Variants in BCR observed in about 807,000 individuals in gnomAD.
The protein encoded by BCR is breakpoint cluster region protein.
In BCR, 58 loss-of-function variants were observed where a neutral mutation model predicts 138.6. The ratio of observed to expected loss-of-function variants is 0.42; its 90% CI spans 0.34 to 0.52. The LOEUF is 0.52. Ranked by LOEUF, BCR falls within the 20% of genes least tolerant of loss-of-function variation. The pLI is 0.06. For missense variants in BCR, 1,599 were observed against 1,727.2 expected (o/e 0.93, Z 1.32); for synonymous variants, 786 against 730.1 (o/e 1.08, Z -1.23).
chr22:23,264,603 G>C, intron 4 of BCR: 1 of 349,368 alleles, frequency 2.9e-6, no homozygotes, highest in South Asian at 3.5e-5. Context: ...GAGTGCAGCT[G>C]AACCTCGGCC....
At chr22:23,236,997 G>A (rs1402219538) in intron 1 of BCR, among the ~76,000 whole-genome samples, 1 of 152,214 alleles carries the variant, frequency 6.6e-6, no homozygotes, top group Non-Finnish European at 1.5e-5. Flanking sequence ...GGATTTTCCA[G>A]AAGAAGTGCC....
At position 23,181,118 on chromosome 22, in the gene BCR, G is replaced by A; in HGVS notation, c.158G>A (p.Arg53His). Residue 53 changes from arginine to histidine, a missense_variant, in exon 1 of 23, where the codon CGC (arginine) becomes CAC (histidine). Arg to His is a conservative substitution (Grantham distance 29). Around this residue, in one of 4 missense-constraint regions of BCR, gnomAD observed 806 missense variants for 635.0 expected, o/e 1.27. Transcript: ENST00000305877. ...CTGGAGCAGGAGGTGAACCAGGAGC[G>A]CTTCCGCATGATCTACCTGCAGACG... The part of the protein sequence containing the change: ...RRLEQEVNQE[R>H]FRMIYLQTLL... 2 of 1,498,854 alleles carry A rather than the reference G, an allele frequency of 1.3e-6. No homozygotes were observed. Among genetic ancestry groups the A allele is most frequent in the Non-Finnish European group, 1.8e-6 (2 of 1,116,014 alleles). The allele number at this position is 1,498,854 out of a possible 1,614,324, so 92.8% of individuals were successfully genotyped here.
rs1257444617 is a variant in BCR, at chr22:23,232,096, C to T, written c.1280-21703C>T. ...CCTCTAATTTTCTGTTGCTTTCTTG[C>T]TTCCATGGTTGTTGGAAGCCTGGAG... On this transcript the variant is annotated intron_variant, in intron 1 of 22. Transcript: ENST00000305877. 9.2e-5 allele frequency among the ~76,000 whole-genome samples: 14 copies of T among 152,366 alleles called. No homozygotes were observed. In the South Asian group the frequency reaches 2.3e-3, roughly 25 times the overall value.
chr22:23,281,280 T>G (rs116299458), intron 8 of BCR, among the ~76,000 whole-genome samples: 5,174 of 152,318 alleles, frequency 0.034, 131 homozygotes, highest in African/African-American at 0.057. Context: ...TTTGCCCTAG[T>G]TGAGATGCTG....
chr22:23,251,568 C>T (rs1455444829), intron 1 of BCR, among the ~76,000 whole-genome samples: 4 of 152,240 alleles, frequency 2.6e-5, no homozygotes, highest in Admixed American at 2.6e-4. Flanking sequence ...TCTCCCCGGC[C>T]TTCCACGTGG....
intron 21 of BCR, among the ~76,000 whole-genome samples, chr22:23,314,346 C>T (rs1271006249): frequency 1.3e-5 from 2 of 152,198 alleles, no homozygotes; most frequent in Non-Finnish European, 2.9e-5. Context: ...CTCCGAGTCA[C>T]ATCAAGTAGG....
At chr22:23,255,349 G>A (rs535523291) in intron 2 of BCR, among the ~76,000 whole-genome samples, 63 of 152,272 alleles carry the variant, frequency 4.1e-4, no homozygotes, top group African/African-American at 1.2e-3. Flanking sequence ...GCTTTTTACA[G>A]ACTAGGAGGC....
chr22:23,273,027 A>G (rs1405960068), intron 6 of BCR, 54 bp from the exon 7 acceptor site: 6 of 1,591,894 alleles, frequency 3.8e-6, no homozygotes, highest in Non-Finnish European at 5.2e-6. Context: ...GTGGTCAGGC[A>G]GCTGGTGTGC....
At chr22:23,255,082 C>T (rs1368223496) in intron 2 of BCR, among the ~76,000 whole-genome samples, 3 of 152,144 alleles carry the variant, frequency 2.0e-5, no homozygotes, top group African/African-American at 7.2e-5. Flanking sequence ...ATGGACTTTT[C>T]CCCATTTCTG....
intron 2 of BCR, among the ~76,000 whole-genome samples, chr22:23,257,238 G>T (rs922705796): frequency 1.3e-5 from 2 of 152,292 alleles, no homozygotes; most frequent in South Asian, 4.1e-4. Context: ...CCTGAGTCTT[G>T]TCTCCACCCC....
rs1289821791 is a variant in BCR at position 23,213,849 on chromosome 22, AAG to A, written c.1279+31612_1279+31613del. On this transcript the variant is annotated intron_variant, in intron 1 of 22. Transcript: ENST00000305877. ...CCCCTGTCTCTTAAAAAAAAAAAAA[AAG>A]AAGAAGAAGGAGGAGGAAGACAGTA... Among the ~76,000 whole-genome samples the A allele has an allele frequency of 3.0e-3, 415 of 136,540 alleles. 2 individuals carry two copies. The highest frequency in any genetic ancestry group is 0.012 in the African/African-American group (339 of 27,248). The allele number at this position is 136,540 out of a possible 152,430, so 89.6% of individuals were successfully genotyped here. A position where few individuals can be genotyped will look rare whatever the true frequency, so the allele number is the denominator to read the frequency against.
In BCR at chr22:23,285,210, C is replaced by G; in HGVS notation, c.2406+9C>G. ...ACATCCAGAGAGAGAAGGTGCACAC[C>G]AGGGGAGCAAGGGCCGGGTTTGGTG... On this transcript the variant is annotated intron_variant, in intron 10 of 22. Transcript: ENST00000305877. The G allele has an allele frequency of 6.2e-7, 1 of 1,608,186 alleles. No homozygotes were observed. Among genetic ancestry groups the G allele is most frequent in the Non-Finnish European group, 8.5e-7 (1 of 1,177,248 alleles).
chr22:23,261,671 A>G (rs1187572450), intron 4 of BCR, 131 bp downstream of exon 4: 1 of 941,350 alleles, frequency 1.1e-6, no homozygotes, highest in Non-Finnish European at 1.5e-6. Flanking sequence ...ACCTCAAGTG[A>G]TCCACCTGCC....
At chr22:23,213,523 A>C (rs982519713) in intron 1 of BCR, among the ~76,000 whole-genome samples, 1 of 152,220 alleles carries the variant, frequency 6.6e-6, no homozygotes, top group African/African-American at 2.4e-5. Flanking sequence ...TGGATGTGCC[A>C]CTAAGAAGGA....
intron 16 of BCR, among the ~76,000 whole-genome samples, chr22:23,297,213 TG>T (rs368410886): frequency 0.1 from 11,544 of 114,598 alleles, 1,094 homozygotes; most frequent in Non-Finnish European, 0.13. Context: ...AGTTGTTTTT[TG>T]TTTTTTGTTT....
intron 1 of BCR, among the ~76,000 whole-genome samples, chr22:23,200,304 G>A (rs753569379): frequency 6.6e-6 from 1 of 152,186 alleles, no homozygotes; most frequent in Non-Finnish European, 1.5e-5. Context: ...TTGGTTTGAA[G>A]CTCAAAGCGG....
intron 1 of BCR, among the ~76,000 whole-genome samples, chr22:23,213,326 G>T (rs767179360): frequency 6.6e-6 from 1 of 152,198 alleles, no homozygotes; most frequent in South Asian, 2.1e-4. Flanking sequence ...AGTCCTGGGG[G>T]CCCTGAGTGA....
Position 23,181,459 on chromosome 22 carries a change from C to G in BCR, c.499C>G (p.Gln167Glu), listed in dbSNP as rs749148316. 16 of 1,607,234 alleles carry G rather than the reference C, an allele frequency of 1.0e-5. No individual in the cohort carries two copies. Among genetic ancestry groups the G allele is most frequent in the Admixed American group, 1.7e-5 (1 of 59,806 alleles). ...NFERIRKGHG[Q>E]PGADAEKPFY... Reference sequence around the variant, plus strand: ...CGAGCGGATCCGCAAGGGCCATGGCCAGCCCGGGGCGGACGCCGAGAAGCC... The same window carrying G: ...CGAGCGGATCCGCAAGGGCCATGGCGAGCCCGGGGCGGACGCCGAGAAGCC... Residue 167 changes from glutamine (Q) to glutamate (E), a missense_variant, in exon 1 of 23, where the codon CAG becomes GAG. Around this residue, in one of 4 missense-constraint regions of BCR, gnomAD observed 806 missense variants for 635.0 expected, o/e 1.27. Coordinates refer to ENST00000305877, the MANE Select transcript of BCR (RefSeq NM_004327.4).
intron 1 of BCR, among the ~76,000 whole-genome samples, chr22:23,187,386 T>C (rs2072358394): frequency 6.6e-6 from 1 of 151,990 alleles, no homozygotes. Flanking sequence ...CCACACATTC[T>C]GTGATTGCAG....
Sources: gnomAD v4.1 joint callset for allele counts (sites outside exome capture counted in the v4.1 genomes callset) on GRCh38, gnomAD v4.1.1 for gene constraint, gnomAD v4.1.1 regional missense constraint, MANE v1.5 for transcripts, NCBI Gene and HGNC (gene_info 2026-07-23, HGNC 2026-07-21) for gene names.